Variants in JMY observed in about 807,000 individuals in gnomAD.
The protein encoded by JMY is junction mediating and regulatory protein, p53 cofactor.
A neutral mutation model predicts 103.3 loss-of-function variants in JMY; 46 were observed. The observed-to-expected ratio is 0.45, with a 90% CI of 0.35 to 0.57. The LOEUF (loss-of-function observed/expected upper bound fraction) is 0.57, where lower values mean the gene tolerates loss of function less well. JMY is among the 20% of genes least tolerant of loss of function. The probability of loss-of-function intolerance (pLI) is 0.00; values close to 1 mark genes in which losing one functional copy is unlikely to be tolerated. For synonymous variants in JMY, 526 were observed against 489.3 expected (o/e 1.07, Z -0.99); for missense variants, 1,238 against 1,255.2 (o/e 0.99, Z 0.21).
intron 7 of JMY, among the ~76,000 whole-genome samples, chr5:79,307,639 A>G (rs1746926127): frequency 6.6e-6 from 1 of 152,158 alleles, no homozygotes; most frequent in Admixed American, 6.5e-5. Flanking sequence ...TCTTTAATGC[A>G]GATATATAGA....
At chr5:79,313,944 C>T (rs938226866) in intron 8 of JMY, among the ~76,000 whole-genome samples, 17 of 152,280 alleles carry the variant, frequency 1.1e-4, no homozygotes, top group African/African-American at 3.1e-4. Flanking sequence ...CTGCAACTTC[C>T]GCCTCCCGGG....
In JMY at chr5:79,271,647, C is replaced by T. The variant is rs528014918; in HGVS notation, c.1033-6263C>T. Among the ~76,000 whole-genome samples, 7 of 152,212 alleles carry T rather than the reference C, an allele frequency of 4.6e-5. No individual in the cohort carries two copies. The South Asian group carries it at 6.2e-4, about 14-fold the overall frequency. Reference sequence around the variant, plus strand: ...TTTCTTTTACTCACCGTTATGCTAACGAGGATGTTGTGACTGAGGAGTGTT... The same window carrying T: ...TTTCTTTTACTCACCGTTATGCTAATGAGGATGTTGTGACTGAGGAGTGTT... On this transcript the variant is annotated intron_variant, in intron 1 of 10. Transcript: ENST00000396137.
chr5:79,265,543 GATATGGCCATTTAGTTAGTTGAATTGAA>G (rs1332878029), intron 1 of JMY, among the ~76,000 whole-genome samples: 201 of 152,222 alleles, frequency 1.3e-3, no homozygotes, highest in African/African-American at 4.4e-3. Flanking sequence ...CCGTCACTTT[GATATGGCCATTTAGTTAGTTGAATTGAA>G]CTCTGTAGAC....
rs1266188189 is a variant in JMY at position 79,326,262 on chromosome 5, C to T, written c.*4660C>T. 1 of 151,726 alleles carries T rather than the reference C, an allele frequency of 6.6e-6. No individual in the cohort carries two copies. Among genetic ancestry groups the T allele is most frequent in the Non-Finnish European group, 1.5e-5 (1 of 67,954 alleles). 9.4% of individuals were successfully genotyped at this position (151,726 alleles called of 1,614,324 possible). ...TGGGGGAATTGGTGGATAGGAAAGA[C>T]CTTGAAAAGTGATGTGTAGATGAAA... On this transcript the variant is annotated 3_prime_UTR_variant, in exon 11 of 11. Transcript: ENST00000396137.
chr5:79,242,845 A>AGT (rs1203942652), intron 1 of JMY, among the ~76,000 whole-genome samples: 3 of 151,268 alleles, frequency 2.0e-5, no homozygotes, highest in Non-Finnish European at 4.4e-5. Flanking sequence ...GTACAATGGC[A>AGT]GTATCTCAGC....
At chr5:79,270,329 A>G (rs1745710270) in intron 1 of JMY, among the ~76,000 whole-genome samples, 2 of 142,658 alleles carry the variant, frequency 1.4e-5, no homozygotes, top group South Asian at 4.2e-4. Flanking sequence ...ATTTACATAA[A>G]TATTTAAAAT....
In JMY at chr5:79,314,639, C is replaced by G. The variant is rs757313241; in HGVS notation, c.2447C>G (p.Pro816Arg). The G allele has an allele frequency of 6.0e-5, 90 of 1,495,192 alleles. No individual in the cohort carries two copies. The highest frequency in any genetic ancestry group is 7.7e-5 in the Non-Finnish European group (84 of 1,089,132). 92.6% of individuals were successfully genotyped at this position (1,495,192 alleles called of 1,614,324 possible). ...CCTCCAACACCACCACCTCCCCCAC[C>G]TCCTCCCCCTCCCCCACCACCACCA... is the stretch of plus-strand genomic sequence containing the variant. Reference protein sequence around the residue: ...PLPPTPPPPPPPPPPPPPPPL... With the variant: ...PLPPTPPPPPRPPPPPPPPPL... The change falls in exon 9 of 11, where the codon CCT (proline) becomes CGT (arginine). Residue 816 changes from proline to arginine, a missense_variant. Transcript: ENST00000396137.
chr5:79,307,395 T>A (rs945465472), intron 7 of JMY, among the ~76,000 whole-genome samples: 7 of 152,180 alleles, frequency 4.6e-5, no homozygotes, highest in African/African-American at 1.7e-4. Context: ...TTTTTCCACA[T>A]CCTCTATAGC....
intron 8 of JMY, among the ~76,000 whole-genome samples, chr5:79,313,464 A>C (rs772001900): frequency 6.6e-6 from 1 of 152,152 alleles, no homozygotes; most frequent in Non-Finnish European, 1.5e-5. Context: ...TAAAATATAT[A>C]TAAGAGTTCT....
intron 1 of JMY, among the ~76,000 whole-genome samples, chr5:79,246,065 C>T (rs1354088583): frequency 1.3e-5 from 2 of 152,172 alleles, no homozygotes; most frequent in Non-Finnish European, 2.9e-5. Context: ...AGTAGTGTTT[C>T]ATTTTGTGTG....
intron 1 of JMY, among the ~76,000 whole-genome samples, chr5:79,251,671 T>C (rs1185465402): frequency 1.3e-5 from 2 of 151,632 alleles, no homozygotes; most frequent in African/African-American, 2.4e-5. Flanking sequence ...CCCCCTCAAC[T>C]TCCTTCCTAC....
At chr5:79,302,886 T>G (rs1746778969) in intron 6 of JMY, among the ~76,000 whole-genome samples, 1 of 152,174 alleles carries the variant, frequency 6.6e-6, no homozygotes, top group African/African-American at 2.4e-5. Flanking sequence ...CTGTGCAGGG[T>G]AAGAGATGGA....
rs886088938 is a variant in JMY, at chr5:79,302,049, C to T, written c.1881+1186C>T. 2.8e-5 allele frequency among the ~76,000 whole-genome samples: 4 copies of T among 144,860 alleles called. No individual in the cohort carries two copies. The South Asian group carries it at 6.5e-4, about 23-fold the overall frequency. On this transcript the variant is annotated intron_variant, in intron 6 of 10. Transcript: ENST00000396137. ...AGTGAGCCAAGATGGCACCATTGCA[C>T]TCCAGCCTGGACAACAAGAGTGAAA...
chr5:79,284,053 T>TTTC (rs1158752738), intron 2 of JMY: 18 of 993,506 alleles, frequency 1.8e-5, no homozygotes, highest in South Asian at 5.5e-5. Flanking sequence ...AATTACTTTC[T>TTTC]TTTTTTTATT....
chr5:79,266,558 A>T (rs1410387163), intron 1 of JMY, among the ~76,000 whole-genome samples: 1 of 152,180 alleles, frequency 6.6e-6, no homozygotes, highest in African/African-American at 2.4e-5. Flanking sequence ...AATATCCATC[A>T]CCTCAACCAT....
At chr5:79,300,546 C>T in intron 5 of JMY, 130 bp from the exon 6 acceptor site, 1 of 772,372 alleles carries the variant, frequency 1.3e-6, no homozygotes, top group Non-Finnish European at 2.0e-6. Flanking sequence ...ATAATCACCA[C>T]TTACAAAGAA....
At chr5:79,293,551 G>A (rs190336800) in intron 4 of JMY, among the ~76,000 whole-genome samples, 4 of 152,208 alleles carry the variant, frequency 2.6e-5, no homozygotes, top group Non-Finnish European at 4.4e-5. Context: ...GAGCCACTGC[G>A]TCTGGCGCTG....
chr5:79,313,452 G>C (rs972106541), intron 8 of JMY, among the ~76,000 whole-genome samples: 1 of 151,986 alleles, frequency 6.6e-6, no homozygotes, highest in African/African-American at 2.4e-5. Context: ...GTCTTACCAT[G>C]GTAAAATATA....
chr5:79,246,112 T>C lies in JMY; in HGVS notation c.1032+8430T>C, dbSNP rs868390499. 3.3e-5 allele frequency among the ~76,000 whole-genome samples: 5 copies of C among 152,248 alleles called. No individual in the cohort carries two copies. In the South Asian group the frequency reaches 8.3e-4, roughly 25 times the overall value. ...ACATCCTTAAATCATTCATTACTTA[T>C]ACTTCAAATTTTCTGTTCTTTTTTC... On this transcript the variant is annotated intron_variant, in intron 1 of 10. Coordinates refer to ENST00000396137, the MANE Select transcript of JMY (RefSeq NM_152405.5).
Sources: allele counts gnomAD v4.1 joint callset (sites outside exome capture counted in the v4.1 genomes callset), GRCh38; gene constraint gnomAD v4.1.1; transcripts MANE v1.5; gene names NCBI Gene and HGNC (gene_info 2026-07-23, HGNC 2026-07-21).